PCDH15: variants seen among roughly 807,000 people sequenced by gnomAD.
The protein encoded by PCDH15 is protocadherin related 15.
In PCDH15, 129 loss-of-function variants were observed where a neutral mutation model predicts 178.5. The ratio of observed to expected loss-of-function variants is 0.72; its 90% confidence interval spans 0.63 to 0.84. The LOEUF is 0.84. Among genes scored for constraint, PCDH15 ranks in the 40% least tolerant of loss-of-function variants. The pLI is 0.00. For missense variants in PCDH15, 2,230 were observed against 2,099.9 expected, an observed-to-expected ratio of 1.06 and a Z score of -1.21; for synonymous variants, 800 against 732.0, an observed-to-expected ratio of 1.09 and a Z score of -1.50.
At chr10:55,249,077 T>C (rs1841762231) in intron 1 of PCDH15, among the ~76,000 whole-genome samples, 1 of 152,074 alleles carries the variant, frequency 6.6e-6, no homozygotes, top group Admixed American at 6.5e-5. Context: ...CATTTGGAAG[T>C]AGATAGATAA....
At chr10:54,801,784 G>A (rs989883710), upstream of PCDH15, among the ~76,000 whole-genome samples, 8 of 152,122 alleles carry the variant, frequency 5.3e-5, no homozygotes, top group South Asian at 2.1e-4. Context: ...TTACAAACAC[G>A]TGTGACTGGT....
At chr10:55,026,981 C>T (rs548647543) in intron 2 of PCDH15, among the ~76,000 whole-genome samples, 23 of 151,774 alleles carry the variant, frequency 1.5e-4, no homozygotes, top group East Asian at 7.7e-4. Flanking sequence ...AAAACAGGCA[C>T]GGGCCAAAGA....
chr10:54,670,843 A>G (rs770011847), intron 1 of PCDH15, among the ~76,000 whole-genome samples: 29 of 152,150 alleles, frequency 1.9e-4, no homozygotes, highest in Non-Finnish European at 3.1e-4. Context: ...CCTCACAATG[A>G]CTTTGCTATT....
At chr10:53,892,030 T>G (rs1441078401) in intron 26 of PCDH15, among the ~76,000 whole-genome samples, 1 of 145,084 alleles carries the variant, frequency 6.9e-6, no homozygotes, top group Non-Finnish European at 1.5e-5. Flanking sequence ...GTTTTTTTTT[T>G]TTTTTTTTTT....
chr10:54,657,531 T>C (rs1286275418), intron 2 of PCDH15, among the ~76,000 whole-genome samples: 1 of 152,150 alleles, frequency 6.6e-6, no homozygotes, highest in Non-Finnish European at 1.5e-5. Context: ...TCGCAGGAGA[T>C]AGTGTCAGCT....
chr10:55,437,685 T>C (rs1024397483), intron 2 of PCDH15, among the ~76,000 whole-genome samples: 1 of 152,050 alleles, frequency 6.6e-6, no homozygotes, highest in Non-Finnish European at 1.5e-5. Context: ...CCTTCTCCCA[T>C]AGGGTTTCTA....
intron 2 of PCDH15, among the ~76,000 whole-genome samples, chr10:55,106,384 A>G (rs1264565858): frequency 6.6e-6 from 1 of 152,222 alleles, no homozygotes; most frequent in Non-Finnish European, 1.5e-5. Context: ...ATATGAAACA[A>G]ACATAAATAT....
At chr10:55,489,223 T>C (rs1232875898) in intron 2 of PCDH15, among the ~76,000 whole-genome samples, 2 of 151,548 alleles carry the variant, frequency 1.3e-5, no homozygotes, top group African/African-American at 4.8e-5. Context: ...GCATTACCTA[T>C]CTTTCAACAT....
chr10:55,617,309 C>T (rs756841762), intron 2 of PCDH15, among the ~76,000 whole-genome samples: 6 of 151,992 alleles, frequency 3.9e-5, no homozygotes, highest in Admixed American at 1.3e-4. Context: ...AGACTTAACA[C>T]TACAGAATGC....
At chr10:55,345,433 C>T (rs1280424779) in intron 2 of PCDH15, among the ~76,000 whole-genome samples, 8 of 151,908 alleles carry the variant, frequency 5.3e-5, no homozygotes, top group African/African-American at 1.9e-4. Flanking sequence ...AGGTGAACCA[C>T]TTTACTGTGA....
At chr10:53,888,305 T>C (rs866111399) in intron 26 of PCDH15, among the ~76,000 whole-genome samples, 42 of 38,086 alleles carry the variant, frequency 1.1e-3, no homozygotes, top group Admixed American at 1.4e-3. Context: ...TATATATATA[T>C]ATATGTATAT....
At position 55,014,199 on chromosome 10, in the gene PCDH15, A is replaced by C. The variant is rs535769438; in HGVS notation, c.-79-116699T>G. Among the ~76,000 whole-genome samples the C allele has an allele frequency of 3.2e-3, 489 of 152,176 alleles. 1 individual carries two copies. Among genetic ancestry groups the C allele is most frequent in the Middle Eastern group, 0.01 (3 of 294 alleles). On this transcript the variant is annotated intron_variant, in intron 2 of 5. Coordinates refer to the PCDH15 transcript ENST00000458638. ...TCTCAAAGGGAGGAATACACCTTGA[A>C]ATTTTTTTTTTATAATTACAAAGTG...
At chr10:54,149,921 T>C (rs2044355626) in intron 14 of PCDH15, among the ~76,000 whole-genome samples, 1 of 151,976 alleles carries the variant, frequency 6.6e-6, no homozygotes, top group South Asian at 2.1e-4. Context: ...TTGCTCCAGG[T>C]TATGTGTGGA....
At chr10:54,785,234 AT>A (rs1210604573) in intron 1 of PCDH15, among the ~76,000 whole-genome samples, 1 of 151,728 alleles carries the variant, frequency 6.6e-6, no homozygotes, top group African/African-American at 2.4e-5. Flanking sequence ...AAATAACTTT[AT>A]TTTTTTCTTT....
chr10:55,214,969 T>C (rs189532998), intron 1 of PCDH15, among the ~76,000 whole-genome samples: 71 of 152,284 alleles, frequency 4.7e-4, no homozygotes, highest in Non-Finnish European at 9.3e-4. Flanking sequence ...AGAGAACTCT[T>C]CTACGAGGTA....
chr10:55,256,758 CA>C (rs1321334524), intron 1 of PCDH15, among the ~76,000 whole-genome samples: 1 of 152,214 alleles, frequency 6.6e-6, no homozygotes, highest in Non-Finnish European at 1.5e-5. Context: ...CACCGCAGCT[CA>C]AGGAGGCCTG....
chr10:55,479,215 T>C (rs1055659491), intron 2 of PCDH15, among the ~76,000 whole-genome samples: 4 of 151,520 alleles, frequency 2.6e-5, no homozygotes, highest in Non-Finnish European at 5.9e-5. Flanking sequence ...CAAATAAACC[T>C]GATGAACATG....
At chr10:54,608,043 A>G (rs751368778) in intron 2 of PCDH15, 5 of 441,196 alleles carry the variant, frequency 1.1e-5, no homozygotes, top group Non-Finnish European at 2.2e-5. Context: ...TCAAAATAAT[A>G]TTTTAACTTG....
chr10:54,718,887 G>C (rs2095512809), intron 1 of PCDH15, among the ~76,000 whole-genome samples: 1 of 151,580 alleles, frequency 6.6e-6, no homozygotes, highest in Non-Finnish European at 1.5e-5. Flanking sequence ...AGTAGAGACG[G>C]GGTTTCACTA....
Sources: allele counts gnomAD v4.1 joint callset (sites outside exome capture counted in the v4.1 genomes callset), GRCh38; gene constraint gnomAD v4.1.1; transcripts MANE v1.5; gene names NCBI Gene and HGNC (gene_info 2026-07-23, HGNC 2026-07-21).